Variants in LPIN1 observed in about 807,000 individuals in gnomAD.
The protein encoded by LPIN1 is lipin 1.
In LPIN1, 71 loss-of-function variants were observed where a neutral mutation model predicts 107.5. The observed-to-expected ratio is 0.66, with a 90% CI of 0.55 to 0.80. The LOEUF (loss-of-function observed/expected upper bound fraction) is 0.80. Ranked by LOEUF, LPIN1 falls within the 30% of genes least tolerant of loss-of-function variation. The pLI is 0.00. For synonymous variants in LPIN1, 445 were observed against 452.6 expected (o/e 0.98, Z 0.21); for missense variants, 1,043 against 1,160.6 (o/e 0.90, Z 1.47).
intron 14 of LPIN1, among the ~76,000 whole-genome samples, chr2:11,801,134 GA>G (rs1677658093): frequency 6.6e-6 from 1 of 152,304 alleles, no homozygotes; most frequent in East Asian, 1.9e-4. Flanking sequence ...GGATAGAAGG[GA>G]ACTCTTAAAC....
At chr2:11,783,971 A>T (rs370456341) in intron 9 of LPIN1, 49 bp downstream of exon 9, 226 of 1,612,816 alleles carry the variant, frequency 1.4e-4, no homozygotes, top group Non-Finnish European at 1.7e-4. Flanking sequence ...TCTGAATATC[A>T]TTCTGTGTGA....
At chr2:11,751,570 C>A (rs527287824) in intron 1 of LPIN1, among the ~76,000 whole-genome samples, 1 of 152,190 alleles carries the variant, frequency 6.6e-6, no homozygotes, top group South Asian at 2.1e-4. Context: ...AAAATGGGTC[C>A]AGCTGGGCGC....
intron 10 of LPIN1, among the ~76,000 whole-genome samples, chr2:11,785,306 GC>G (rs975281507): frequency 5.9e-5 from 9 of 152,226 alleles, no homozygotes; most frequent in African/African-American, 2.2e-4. Flanking sequence ...TGTCTCCTGT[GC>G]CCCAGGCTAG....
intron 14 of LPIN1, among the ~76,000 whole-genome samples, chr2:11,796,517 G>T (rs185614449): frequency 6.6e-6 from 1 of 152,094 alleles, no homozygotes. Context: ...ACGAGTGTGC[G>T]GGACCTGGTA....
intron 1 of LPIN1, among the ~76,000 whole-genome samples, chr2:11,686,139 G>T (rs1018199478): frequency 6.6e-6 from 1 of 152,140 alleles, no homozygotes; most frequent in African/African-American, 2.4e-5. Context: ...CACAGCAAGC[G>T]CCTGGAACTT....
intron 17 of LPIN1, among the ~76,000 whole-genome samples, chr2:11,811,948 G>C (rs1205485053): frequency 1.3e-5 from 2 of 152,070 alleles, no homozygotes; most frequent in African/African-American, 4.8e-5. Context: ...TCGTGCCACT[G>C]CACTCCAGCC....
intron 1 of LPIN1, among the ~76,000 whole-genome samples, chr2:11,726,363 T>C (rs975587840): frequency 2.6e-5 from 4 of 152,124 alleles, no homozygotes; most frequent in African/African-American, 7.2e-5. Context: ...AACAAACCCA[T>C]AGGGCTGTGT....
chr2:11,797,660 G>T (rs1198627496), intron 14 of LPIN1, among the ~76,000 whole-genome samples: 6 of 152,198 alleles, frequency 3.9e-5, no homozygotes, highest in Admixed American at 3.9e-4. Flanking sequence ...ATGGAAACAG[G>T]TGTATTTACC....
chr2:11,733,731 A>G (rs577704911), intron 1 of LPIN1, among the ~76,000 whole-genome samples: 3 of 152,270 alleles, frequency 2.0e-5, no homozygotes, highest in Admixed American at 6.5e-5. Context: ...GCTTCAAGCA[A>G]TCTTCCCGCC....
At chr2:11,701,611 A>G (rs976275347) in intron 1 of LPIN1, among the ~76,000 whole-genome samples, 4 of 152,216 alleles carry the variant, frequency 2.6e-5, no homozygotes, top group African/African-American at 9.6e-5. Context: ...CATACTATGT[A>G]CTAGTTTCTA....
intron 1 of LPIN1, among the ~76,000 whole-genome samples, chr2:11,740,667 C>A: frequency 9.1e-6 from 1 of 110,444 alleles, no homozygotes; most frequent in Non-Finnish European, 1.7e-5. Context: ...CTGGGTGACA[C>A]AGTGAGGCTC....
intron 1 of LPIN1, among the ~76,000 whole-genome samples, chr2:11,756,010 C>T (rs1668627456): frequency 6.6e-6 from 1 of 152,194 alleles, no homozygotes; most frequent in East Asian, 1.9e-4. Context: ...CATAAGCCAC[C>T]ACGCCTGGCC....
chr2:11,727,785 A>G (rs983474019), intron 1 of LPIN1, among the ~76,000 whole-genome samples: 7 of 152,134 alleles, frequency 4.6e-5, no homozygotes, highest in Non-Finnish European at 1.0e-4. Context: ...ATTATCTGAA[A>G]TTGATTTGCT....
At chr2:11,761,224 G>A (rs368120347) in intron 1 of LPIN1, among the ~76,000 whole-genome samples, 39 of 152,310 alleles carry the variant, frequency 2.6e-4, no homozygotes, top group Non-Finnish European at 5.4e-4. Context: ...TAAGTTCAAC[G>A]TGGAAGGAAT....
intron 4 of LPIN1, among the ~76,000 whole-genome samples, chr2:11,773,174 A>C (rs1282961635): frequency 6.6e-6 from 1 of 152,178 alleles, no homozygotes; most frequent in Non-Finnish European, 1.5e-5. Flanking sequence ...GATGCCATTT[A>C]TTTCTTCTGC....
rs1462148058 is a variant in LPIN1 at position 11,707,468 on chromosome 2, G to A, written c.82-6288G>A. Among the ~76,000 whole-genome samples the A allele has an allele frequency of 6.6e-6, 1 of 152,212 alleles. No homozygotes were observed. The highest frequency in any genetic ancestry group is 1.9e-4 in the East Asian group (1 of 5,198). Reference sequence around the variant, plus strand: ...ACTGTAGGGCCCTGGAATTTACTGAGCAGACCGGGGAGCACGGGAAGTTTT... The same window carrying A: ...ACTGTAGGGCCCTGGAATTTACTGAACAGACCGGGGAGCACGGGAAGTTTT... On this transcript the variant is annotated intron_variant, in intron 1 of 21. Transcript: ENST00000449576. This position sits in a 1 kb window ranked among gnomAD's most constrained non-coding sequence, Gnocchi z 4.2.
rs1674621420 is a variant in LPIN1, at chr2:11,786,609, C to T, written c.1550-465C>T. ...CTGTGCTTTCTATTTACGACATTAT[C>T]AGTCCCCATGACCACCCTAGGAAGC... On this transcript the variant is annotated intron_variant, in intron 10 of 20. Transcript: ENST00000674199. The surrounding 1 kb of genome is among the most constrained non-coding windows in gnomAD (Gnocchi z 4.1). 6.6e-6 allele frequency among the ~76,000 whole-genome samples: 1 copy of T among 152,170 alleles called. No homozygotes were observed. Among genetic ancestry groups the T allele is most frequent in the African/African-American group, 2.4e-5 (1 of 41,446 alleles).
chr2:11,745,832 A>G, upstream of LPIN1: 1 of 152,504 alleles, frequency 6.6e-6, no homozygotes, highest in Non-Finnish European at 1.5e-5. Flanking sequence ...GGACCTTTGC[A>G]CCTGCCATTT....
At chr2:11,800,462 C>T (rs1264080332) in intron 14 of LPIN1, among the ~76,000 whole-genome samples, 2 of 152,104 alleles carry the variant, frequency 1.3e-5, no homozygotes, top group Non-Finnish European at 2.9e-5. Context: ...GGCTGGAGTG[C>T]AATGGCGCAT....
Sources: allele counts gnomAD v4.1 joint callset (sites outside exome capture counted in the v4.1 genomes callset), GRCh38; gene constraint gnomAD v4.1.1; non-coding constraint Gnocchi (gnomAD v3.1); transcripts MANE v1.5; gene names NCBI Gene and HGNC (gene_info 2026-07-23, HGNC 2026-07-21).